Variants in BICRA observed in about 807,000 individuals in gnomAD.
The protein encoded by BICRA is BRD4 interacting chromatin remodeling complex associated protein.
A neutral mutation model predicts 96.9 loss-of-function variants in BICRA; 31 were observed. That is an observed-to-expected ratio of 0.32 (90% CI 0.24 to 0.43). The LOEUF is 0.43. Among genes scored for constraint, BICRA ranks in the 20% least tolerant of loss-of-function variants. The pLI is 1.00. For missense variants in BICRA, 2,283 were observed against 2,190.3 expected (o/e 1.04, Z -0.84); for synonymous variants, 1,350 against 1,071.8 (o/e 1.26, Z -5.07).
At chr19:47,689,286 C>T (rs1330982903) in intron 7 of BICRA, among the ~76,000 whole-genome samples, 1 of 150,828 alleles carries the variant, frequency 6.6e-6, no homozygotes, top group Non-Finnish European at 1.5e-5. Context: ...TCTTTTTTTC[C>T]AGAGACAGGG....
At chr19:47,627,356 A>T (rs1047522895) in intron 1 of BICRA, among the ~76,000 whole-genome samples, 3 of 152,106 alleles carry the variant, frequency 2.0e-5, no homozygotes, top group Non-Finnish European at 4.4e-5. Context: ...CAGTTTCCCT[A>T]ATCAGCTAGA....
intron 9 of BICRA, 22 bp from the exon 10 acceptor site, chr19:47,695,343 C>CCCT: frequency 4.8e-6 from 3 of 630,242 alleles, no homozygotes; most frequent in Non-Finnish European, 5.7e-6. Flanking sequence ...GGCCCTGTCT[C>CCCT]CCCCACCCCA....
In BICRA at chr19:47,680,813, A is replaced by G. The variant is rs747975590; in HGVS notation, c.1643A>G (p.Gln548Arg). ...CACATCCTCTCCGCCGCTCCCATCCAGGTGGGCCAGCCTGCGCTCTTCCAG... is the reference window on the plus strand; with the variant it reads ...CACATCCTCTCCGCCGCTCCCATCCGGGTGGGCCAGCCTGCGCTCTTCCAG... Reference protein sequence around the residue: ...SAHILSAAPIQVGQPALFQMP... With the variant: ...SAHILSAAPIRVGQPALFQMP... Residue 548 changes from glutamine to arginine, a missense_variant, in exon 6 of 15, where the codon CAG becomes CGG. Gln to Arg is a conservative substitution (Grantham distance 43). Transcript: ENST00000594866. 6 of 1,606,706 alleles carry G rather than the reference A, an allele frequency of 3.7e-6. No homozygotes were observed. The South Asian group carries it at 5.5e-5, about 15-fold the overall frequency.
chr19:47,646,052 T>G (rs2123541609), intron 1 of BICRA, among the ~76,000 whole-genome samples: 1 of 152,300 alleles, frequency 6.6e-6, no homozygotes, highest in East Asian at 1.9e-4. Context: ...GAGCCATGAT[T>G]GTGCCACTGC....
intron 1 of BICRA, among the ~76,000 whole-genome samples, chr19:47,668,634 C>A (rs1352961322): frequency 6.6e-6 from 1 of 151,972 alleles, no homozygotes; most frequent in Non-Finnish European, 1.5e-5. Context: ...ACTACAGGCA[C>A]CCGCCACCAG....
chr19:47,694,266 G>A lies in BICRA; in HGVS notation c.2435G>A (p.Arg812His), dbSNP rs759387094. 7.6e-6 allele frequency: 6 copies of A among 789,624 alleles called. No individual in the cohort carries two copies. The highest frequency in any genetic ancestry group is 5.5e-5 in the Admixed American group (2 of 36,096). The allele number at this position is 789,624 out of a possible 1,614,324, so 48.9% of individuals were successfully genotyped here. Residue 812 changes from arginine (R) to histidine (H), a missense_variant, in exon 8 of 15, where the codon CGC becomes CAC. Transcript: ENST00000594866. ...CCCTCCCGGCCACAGAGTGTGTCCC[G>A]CCCTCCCTCAGAGCCACCCTTGCAC... Reference protein sequence around the residue: ...RPPSRPQSVSRPPSEPPLHPC... With the variant: ...RPPSRPQSVSHPPSEPPLHPC...
chr19:47,616,328 TG>T (rs1971984010), intron 1 of BICRA, among the ~76,000 whole-genome samples: 1 of 152,104 alleles, frequency 6.6e-6, no homozygotes, highest in African/African-American at 2.4e-5. Context: ...AGGCAATCAG[TG>T]TTGGCATTTT....
chr19:47,615,341 C>T (rs977210692), intron 1 of BICRA, among the ~76,000 whole-genome samples: 2 of 152,212 alleles, frequency 1.3e-5, no homozygotes, highest in Non-Finnish European at 1.5e-5. Flanking sequence ...GTGATCCCAC[C>T]TGTCGCCCAG....
At position 47,698,585 on chromosome 19, in the gene BICRA, G is replaced by GT; in HGVS notation, c.3249-48dup. The GT allele has an allele frequency of 1.8e-6, 1 of 549,052 alleles. No homozygotes were observed. 34.0% of individuals were successfully genotyped at this position (549,052 alleles called of 1,614,324 possible). A position where few individuals can be genotyped will look rare whatever the true frequency, so the allele number is the denominator to read the frequency against. ...CAGGGACTTCCCCTGGCCCTCACCCGTCCCCCCCACCCTCCGCCGTGTGTG... is the reference window on the plus strand; with the variant it reads ...CAGGGACTTCCCCTGGCCCTCACCCGTTCCCCCCCACCCTCCGCCGTGTGTG... On this transcript the variant is annotated intron_variant, in intron 11 of 14. Coordinates refer to ENST00000594866, the MANE Select transcript of BICRA (RefSeq NM_001394372.1). The surrounding 1 kb of genome is among the most constrained non-coding windows in gnomAD (Gnocchi z 4.8).
intron 1 of BICRA, among the ~76,000 whole-genome samples, chr19:47,625,026 G>A (rs1483845122): frequency 8.6e-6 from 1 of 115,990 alleles, no homozygotes; most frequent in Non-Finnish European, 1.7e-5. Flanking sequence ...TTGAGACAGA[G>A]TCTCACTCTG....
chr19:47,676,984 A>G (rs1377588981), intron 5 of BICRA, among the ~76,000 whole-genome samples: 1 of 152,102 alleles, frequency 6.6e-6, no homozygotes, highest in African/African-American at 2.4e-5. Context: ...AGGGGGTTAC[A>G]GTGGCCTGCC....
chr19:47,683,710 G>A (rs972660761), intron 7 of BICRA, among the ~76,000 whole-genome samples: 5 of 151,536 alleles, frequency 3.3e-5, no homozygotes, highest in African/African-American at 9.7e-5. Flanking sequence ...TCAGCCTCCC[G>A]AGTAGCTGGG....
At chr19:47,663,563 C>G (rs940435161) in intron 1 of BICRA, 6 of 152,170 alleles carry the variant, frequency 3.9e-5, no homozygotes, top group Admixed American at 3.3e-4. Flanking sequence ...TGGAGAAACT[C>G]TGTCTTTGTA....
At chr19:47,643,453 A>G (rs994990605) in intron 1 of BICRA, among the ~76,000 whole-genome samples, 3 of 152,102 alleles carry the variant, frequency 2.0e-5, no homozygotes, top group African/African-American at 7.2e-5. Flanking sequence ...GGCATCTGTC[A>G]CCTGGGACAC....
At position 47,695,048 on chromosome 19, in the gene BICRA, A is replaced by C; in HGVS notation, c.3044A>C (p.His1015Pro). 1 of 1,496,570 alleles carries C rather than the reference A, an allele frequency of 6.7e-7. No homozygotes were observed. Among genetic ancestry groups the C allele is most frequent in the African/African-American group, 1.4e-5 (1 of 70,434 alleles). 92.7% of individuals were successfully genotyped at this position (1,496,570 alleles called of 1,614,324 possible). ...APSGTPTAPS[H>P]APAPAPMAAT... Reference sequence around the variant, plus strand: ...TCTGGGACCCCCACTGCCCCCAGCCACGCCCCCGCCCCGGCACCCATGGCC... The same window carrying C: ...TCTGGGACCCCCACTGCCCCCAGCCCCGCCCCCGCCCCGGCACCCATGGCC... Residue 1015 changes from histidine (H) to proline (P), a missense_variant, in exon 9 of 15, where the codon CAC (histidine) becomes CCC (proline). Coordinates refer to ENST00000594866, the MANE Select transcript of BICRA (RefSeq NM_001394372.1).
chr19:47,687,594 G>A (rs967123054), intron 7 of BICRA, among the ~76,000 whole-genome samples: 19 of 152,098 alleles, frequency 1.2e-4, no homozygotes, highest in Non-Finnish European at 2.6e-4. Flanking sequence ...TCAGGAGTGT[G>A]AGACCAGCCT....
At chr19:47,661,280 G>A (rs1972701308) in intron 1 of BICRA, among the ~76,000 whole-genome samples, 1 of 150,912 alleles carries the variant, frequency 6.6e-6, no homozygotes, top group Non-Finnish European at 1.5e-5. Flanking sequence ...TGACGAAGAT[G>A]ATGAAGTCAG....
chr19:47,687,597 A>T (rs1973178051), intron 7 of BICRA, among the ~76,000 whole-genome samples: 1 of 152,140 alleles, frequency 6.6e-6, no homozygotes, highest in African/African-American at 2.4e-5. Flanking sequence ...GGAGTGTGAG[A>T]CCAGCCTGGC....
At chr19:47,673,276 G>T (rs897190224) in intron 2 of BICRA, among the ~76,000 whole-genome samples, 3 of 152,152 alleles carry the variant, frequency 2.0e-5, no homozygotes, top group Non-Finnish European at 4.4e-5. Context: ...CTGAGGATTA[G>T]CTTAGTGTGT....
Sources: allele counts gnomAD v4.1 joint callset (sites outside exome capture counted in the v4.1 genomes callset), GRCh38; gene constraint gnomAD v4.1.1; non-coding constraint Gnocchi (gnomAD v3.1); transcripts MANE v1.5; gene names NCBI Gene and HGNC (gene_info 2026-07-23, HGNC 2026-07-21).